The following DPF3 variants were observed in gnomAD, a reference collection of about 807,000 sequenced individuals.
DPF3 encodes double PHD fingers 3, also known as zinc finger protein DPF3.
In DPF3, 18 loss-of-function variants were observed where a neutral mutation model predicts 56.8. That is an observed-to-expected ratio of 0.32 (90% CI 0.22 to 0.47). DPF3 has a LOEUF of 0.47. Among genes scored for constraint, DPF3 ranks in the 20% least tolerant of loss-of-function variants. The probability of loss-of-function intolerance (pLI) is 1.00; values close to 1 mark genes in which losing one functional copy is unlikely to be tolerated. For synonymous variants in DPF3, 188 were observed against 180.2 expected, an observed-to-expected ratio of 1.04 and a Z score of -0.35; for missense variants, 403 against 488.8, an observed-to-expected ratio of 0.82 and a Z score of 1.65.
At chr14:72,836,095 G>T (rs1048927284) in intron 1 of DPF3, 17 of 985,424 alleles carry the variant, frequency 1.7e-5, no homozygotes, top group Non-Finnish European at 1.9e-5. Flanking sequence ...TGGCCTCCAG[G>T]TCTGCTGTGG....
At chr14:72,715,378 C>T (rs1888871896) in intron 5 of DPF3, among the ~76,000 whole-genome samples, 2 of 152,182 alleles carry the variant, frequency 1.3e-5, no homozygotes, top group African/African-American at 4.8e-5. Flanking sequence ...TTGTAAGTCC[C>T]ACACTGGTCA....
intron 2 of DPF3, among the ~76,000 whole-genome samples, chr14:72,765,683 C>T (rs1264728737): frequency 6.6e-6 from 1 of 152,236 alleles, no homozygotes; most frequent in African/African-American, 2.4e-5. Context: ...TGCGGTGGCT[C>T]ACGCCTGTAA....
intron 1 of DPF3, among the ~76,000 whole-genome samples, chr14:72,820,614 T>G (rs1277988614): frequency 2.6e-5 from 4 of 152,180 alleles, no homozygotes; most frequent in Non-Finnish European, 4.4e-5. Context: ...CCCAAAACCT[T>G]AACAATTTTC....
At chr14:72,656,259 A>T (rs1886059483) in intron 8 of DPF3, among the ~76,000 whole-genome samples, 1 of 152,200 alleles carries the variant, frequency 6.6e-6, no homozygotes, top group Non-Finnish European at 1.5e-5. Flanking sequence ...AGTGGTGTCA[A>T]ATATTAAATA....
Position 72,662,125 on chromosome 14 carries a change from A to G in DPF3, c.871+12115T>C, listed in dbSNP as rs539287145. The G allele has an allele frequency of 3.0e-6, 3 of 985,324 alleles. 1 individual carries two copies. The South Asian group carries it at 1.4e-4, about 46-fold the overall frequency. 61.0% of individuals were successfully genotyped at this position (985,324 alleles called of 1,614,324 possible). A position where few individuals can be genotyped will look rare whatever the true frequency, so the allele number is the denominator to read the frequency against. On this transcript the variant is annotated intron_variant, in intron 8 of 10. Coordinates refer to ENST00000556509, the MANE Select transcript of DPF3 (RefSeq NM_001280542.3). ...TAACACACAATCATTTAACATCACC[A>G]ACACTTTCAATAGACTTTTGAAGGA... is the stretch of plus-strand genomic sequence containing the variant.
intron 1 of DPF3, among the ~76,000 whole-genome samples, chr14:72,820,952 T>G (rs12436263): frequency 0.094 from 14,196 of 151,760 alleles, 811 homozygotes; most frequent in Admixed American, 0.18. Context: ...GACAACATGA[T>G]GAAACCCCAT....
chr14:72,859,343 A>G (rs887025673), intron 1 of DPF3, among the ~76,000 whole-genome samples: 1 of 152,046 alleles, frequency 6.6e-6, no homozygotes, highest in Non-Finnish European at 1.5e-5. Context: ...GGGAAGCAAC[A>G]TTTCCCCAAA....
At chr14:72,838,114 C>G (rs767279820) in intron 1 of DPF3, among the ~76,000 whole-genome samples, 18 of 152,226 alleles carry the variant, frequency 1.2e-4, no homozygotes, top group Non-Finnish European at 2.4e-4. Flanking sequence ...GCCAGGGAGA[C>G]TGTCCCTGTA....
At chr14:72,869,279 G>A (rs1046919612) in intron 1 of DPF3, among the ~76,000 whole-genome samples, 1 of 152,270 alleles carries the variant, frequency 6.6e-6, no homozygotes, top group South Asian at 2.1e-4. Context: ...ATATTTGTGT[G>A]ATTATATGAT....
At chr14:72,852,044 G>A (rs188626594) in intron 1 of DPF3, among the ~76,000 whole-genome samples, 2 of 152,372 alleles carry the variant, frequency 1.3e-5, no homozygotes, top group South Asian at 2.1e-4. Context: ...AAGAGGTGCC[G>A]CAGGTAGGTG....
At chr14:72,685,753 T>C (rs1483086371) in intron 7 of DPF3, among the ~76,000 whole-genome samples, 1 of 152,228 alleles carries the variant, frequency 6.6e-6, no homozygotes, top group Admixed American at 6.5e-5. Flanking sequence ...TGCAAGCAAG[T>C]ACCATTGCCA....
intron 8 of DPF3, among the ~76,000 whole-genome samples, chr14:72,649,314 G>A (rs1885825966): frequency 6.6e-6 from 1 of 152,140 alleles, no homozygotes; most frequent in Admixed American, 6.5e-5. Context: ...GGGCTGTGGA[G>A]TCTTTATGGA....
At position 72,708,277 on chromosome 14, in the gene DPF3, C is replaced by G. The variant is rs562741031; in HGVS notation, c.604+6146G>C. 3.3e-5 allele frequency among the ~76,000 whole-genome samples: 5 copies of G among 152,346 alleles called. No individual in the cohort carries two copies. The East Asian group carries it at 9.7e-4, about 29-fold the overall frequency. ...GCCAGTCCTGCCGGAACACCTGCAA[C>G]CTGTGTCCATGACACAATGGCATTT... On this transcript the variant is annotated intron_variant, in intron 6 of 10. Coordinates refer to ENST00000556509, the MANE Select transcript of DPF3 (RefSeq NM_001280542.3).
At chr14:72,761,304 G>C (rs1894626672) in intron 2 of DPF3, among the ~76,000 whole-genome samples, 1 of 151,960 alleles carries the variant, frequency 6.6e-6, no homozygotes, top group South Asian at 2.1e-4. Context: ...TATTTACCAA[G>C]GTAGACCACA....
rs1209115019 is a variant in DPF3, at chr14:72,611,918, G to A, written c.*7379C>T. Among the ~76,000 whole-genome samples, 2 of 152,100 alleles carry A rather than the reference G, an allele frequency of 1.3e-5. No homozygotes were observed. The highest frequency in any genetic ancestry group is 2.9e-5 in the Non-Finnish European group (2 of 68,034). On this transcript the variant is annotated 3_prime_UTR_variant, in exon 11 of 11. Coordinates refer to ENST00000556509, the MANE Select transcript of DPF3 (RefSeq NM_001280542.3). Reference sequence around the variant, plus strand: ...CACCTTCCGTGATGGCGCGATACTTGACCTACAATCACGATTGCTTGGCAG... The same window carrying A: ...CACCTTCCGTGATGGCGCGATACTTAACCTACAATCACGATTGCTTGGCAG...
chr14:72,826,462 A>G (rs548101861), intron 1 of DPF3, among the ~76,000 whole-genome samples: 1 of 152,310 alleles, frequency 6.6e-6, no homozygotes, highest in African/African-American at 2.4e-5. Context: ...ATAGGTGACA[A>G]TAAGAGTTGC....
chr14:72,648,196 T>C (rs1885782055), intron 8 of DPF3, among the ~76,000 whole-genome samples: 1 of 152,210 alleles, frequency 6.6e-6, no homozygotes, highest in South Asian at 2.1e-4. Context: ...CTCTGTCTTT[T>C]CAAATCTCCC....
chr14:72,870,095 G>A (rs2140110174), intron 1 of DPF3, among the ~76,000 whole-genome samples: 2 of 152,270 alleles, frequency 1.3e-5, no homozygotes, highest in Middle Eastern at 3.4e-3. Context: ...ATAGGGGCCT[G>A]GTGTTTGGAA....
intron 1 of DPF3, among the ~76,000 whole-genome samples, chr14:72,778,615 G>A (rs529096677): frequency 3.7e-4 from 57 of 152,224 alleles, no homozygotes; most frequent in Middle Eastern, 6.8e-3. Flanking sequence ...GACCCCAGTC[G>A]GTGGAAAAAT....
Sources: gnomAD v4.1 joint callset for allele counts (sites outside exome capture counted in the v4.1 genomes callset) on GRCh38, gnomAD v4.1.1 for gene constraint, MANE v1.5 for transcripts, NCBI Gene and HGNC (gene_info 2026-07-23, HGNC 2026-07-21) for gene names.